The following FAM178B variants were observed in gnomAD, a reference collection of about 807,000 sequenced individuals.
FAM178B encodes protein FAM178B.
Under a neutral mutation model 91.7 loss-of-function variants are expected in FAM178B, and 82 were observed. The observed-to-expected ratio is 0.89, with a 90% CI of 0.75 to 1.07. FAM178B has a LOEUF of 1.07. Ranked by LOEUF, FAM178B falls within the 50% of genes least tolerant of loss-of-function variation. The probability of loss-of-function intolerance (pLI) is 0.00; values close to 1 mark genes in which losing one functional copy is unlikely to be tolerated. For synonymous variants in FAM178B, 368 were observed against 359.4 expected (o/e 1.02, Z -0.27); for missense variants, 769 against 846.7 (o/e 0.91, Z 1.14).
chr2:96,884,191 T>C (rs747665622), intron 14 of FAM178B, among the ~76,000 whole-genome samples: 1 of 151,928 alleles, frequency 6.6e-6, no homozygotes, highest in African/African-American at 2.4e-5. Context: ...TCAGCAGACA[T>C]GGAAGCTGCG....
At chr2:96,951,705 G>C in intron 6 of FAM178B, 1 of 519,512 alleles carries the variant, frequency 1.9e-6, no homozygotes, top group Non-Finnish European at 3.5e-6. Flanking sequence ...AATGTTGCGT[G>C]AACACACCTC....
At chr2:96,897,668 G>A (rs2080849663) in intron 13 of FAM178B, among the ~76,000 whole-genome samples, 1 of 152,120 alleles carries the variant, frequency 6.6e-6, no homozygotes. Flanking sequence ...ACTTCTCACC[G>A]CCCACGCTGC....
At chr2:96,921,873 C>A (rs2081347052) in intron 10 of FAM178B, among the ~76,000 whole-genome samples, 1 of 152,142 alleles carries the variant, frequency 6.6e-6, no homozygotes, top group Non-Finnish European at 1.5e-5. Context: ...TGAACCAGAG[C>A]AACTCCATCT....
intron 14 of FAM178B, among the ~76,000 whole-genome samples, chr2:96,892,244 C>A (rs1336920596): frequency 6.6e-6 from 1 of 152,210 alleles, no homozygotes; most frequent in East Asian, 1.9e-4. Context: ...TTTCACACTT[C>A]TGTGCCCATG....
At position 96,967,624 on chromosome 2, in the gene FAM178B, T is replaced by A; in HGVS notation, c.630A>T (p.Glu210Asp). The A allele has an allele frequency of 6.5e-7, 1 of 1,543,382 alleles. No homozygotes were observed. The highest frequency in any genetic ancestry group is 8.8e-7 in the Non-Finnish European group (1 of 1,141,518). ...NLDYLLQEKR[E>D]QALEQERERL... ...TCTCTCGCTCCTGCTCCAGGGCCTGTTCCCTATAGGAAGTCGAGGGCCAGA... is the reference window on the plus strand; with the variant it reads ...TCTCTCGCTCCTGCTCCAGGGCCTGATCCCTATAGGAAGTCGAGGGCCAGA... Residue 210 changes from glutamate to aspartate, a missense_variant, in exon 5 of 17, where the codon GAA becomes GAT. Transcript: ENST00000490605.
chr2:96,946,151 C>T (rs989814153), intron 8 of FAM178B, among the ~76,000 whole-genome samples: 2 of 152,120 alleles, frequency 1.3e-5, no homozygotes, highest in African/African-American at 4.8e-5. Context: ...TTTCACTCAG[C>T]GTAATGTTTT....
In FAM178B at chr2:96,960,272, T is replaced by C. The variant is rs2082060694; in HGVS notation, c.887+16A>G. The C allele has an allele frequency of 1.3e-6, 2 of 1,551,128 alleles. No homozygotes were observed. The highest frequency in any genetic ancestry group is 1.4e-5 in the African/African-American group (1 of 72,994). ...ACAGGCTGCGCCACCCCCTCACCCC[T>C]CCTCCCCACACTTACCTGAGGAACA... On this transcript the variant is annotated intron_variant, in intron 6 of 16. Coordinates refer to ENST00000490605, the MANE Select transcript of FAM178B (RefSeq NM_001122646.3).
At chr2:96,888,355 A>T (rs1285934014) in intron 14 of FAM178B, among the ~76,000 whole-genome samples, 1 of 152,238 alleles carries the variant, frequency 6.6e-6, no homozygotes, top group African/African-American at 2.4e-5. Flanking sequence ...GTGGGGCAGT[A>T]AGGAAGAGAC....
At chr2:96,960,577 G>GCGCCACCT (rs2082065884) in intron 5 of FAM178B, 137 bp from the exon 6 acceptor site, 1 of 1,020,856 alleles carries the variant, frequency 9.8e-7, no homozygotes, top group Non-Finnish European at 1.4e-6. Context: ...CAAGGGGACA[G>GCGCCACCT]CGCCACCTGC....
intron 1 of FAM178B, among the ~76,000 whole-genome samples, 181 bp downstream of exon 1, chr2:96,986,060 C>G (rs1184083446): frequency 6.6e-6 from 1 of 152,206 alleles, no homozygotes; most frequent in Admixed American, 6.5e-5. Flanking sequence ...GAGGAGGGCC[C>G]GGCTCACGTC....
At chr2:96,933,377 G>A (rs992900091) in intron 8 of FAM178B, among the ~76,000 whole-genome samples, 1 of 152,174 alleles carries the variant, frequency 6.6e-6, no homozygotes, top group Non-Finnish European at 1.5e-5. Context: ...GACACTTGGG[G>A]GTATGGGGGG....
At chr2:96,950,553 AGGAATGGGACCAGCT>A (rs1269882362) in intron 7 of FAM178B, among the ~76,000 whole-genome samples, 1 of 152,160 alleles carries the variant, frequency 6.6e-6, no homozygotes, top group Non-Finnish European at 1.5e-5. Context: ...TCCAACTGGC[AGGAATGGGACCAGCT>A]GGAACTTGTG....
At chr2:96,885,065 C>A (rs1235136046) in intron 14 of FAM178B, among the ~76,000 whole-genome samples, 1 of 152,222 alleles carries the variant, frequency 6.6e-6, no homozygotes, top group Non-Finnish European at 1.5e-5. Flanking sequence ...GCAAGACACC[C>A]AATTCTGTCA....
At chr2:96,902,599 A>C in intron 13 of FAM178B, 21 bp downstream of exon 13, 1 of 1,525,030 alleles carries the variant, frequency 6.6e-7, no homozygotes, top group Non-Finnish European at 8.9e-7. Flanking sequence ...CTTCCTGCCC[A>C]GGCCTGAAGC....
intron 12 of FAM178B, among the ~76,000 whole-genome samples, chr2:96,916,602 T>C (rs80303677): frequency 0.029 from 4,475 of 152,272 alleles, 226 homozygotes; most frequent in African/African-American, 0.1. Flanking sequence ...CTGCCTGAGC[T>C]GCCCCAATGG....
chr2:96,963,358 A>G (rs1222976484), intron 5 of FAM178B, among the ~76,000 whole-genome samples: 1 of 152,226 alleles, frequency 6.6e-6, no homozygotes, highest in Non-Finnish European at 1.5e-5. Context: ...TTCATCAAAT[A>G]TAATGCTGCC....
chr2:96,951,277 T>C, intron 7 of FAM178B, 102 bp downstream of exon 7: 1 of 814,692 alleles, frequency 1.2e-6, no homozygotes, highest in Non-Finnish European at 2.1e-6. Flanking sequence ...AAGCAGCACC[T>C]AAGGCAAGAA....
At chr2:96,927,056 A>G (rs959499439) in intron 9 of FAM178B, among the ~76,000 whole-genome samples, 14 of 152,214 alleles carry the variant, frequency 9.2e-5, no homozygotes, top group Non-Finnish European at 1.6e-4. Context: ...GAAGGAACAC[A>G]GGGAGAAGAT....
At chr2:96,927,955 G>A (rs1438568466) in intron 9 of FAM178B, among the ~76,000 whole-genome samples, 4 of 152,230 alleles carry the variant, frequency 2.6e-5, no homozygotes, top group Admixed American at 6.5e-5. Context: ...GTGCCAGGAG[G>A]AGGCAAGTGG....
Sources: allele counts gnomAD v4.1 joint callset (sites outside exome capture counted in the v4.1 genomes callset), GRCh38; gene constraint gnomAD v4.1.1; transcripts MANE v1.5; gene names NCBI Gene and HGNC (gene_info 2026-07-23, HGNC 2026-07-21).